MOCS1: variants seen among roughly 807,000 people sequenced by gnomAD.
MOCS1 encodes molybdenum cofactor synthesis 1.
In MOCS1, 39 loss-of-function variants were observed where a neutral mutation model predicts 57.6. The ratio of observed to expected loss-of-function variants is 0.68; its 90% confidence interval spans 0.52 to 0.88. The LOEUF (loss-of-function observed/expected upper bound fraction) is 0.88, where lower values mean the gene tolerates loss of function less well. Ranked by LOEUF, MOCS1 falls within the 40% of genes least tolerant of loss-of-function variation. The pLI is 0.00. For synonymous variants in MOCS1, 334 were observed against 335.7 expected, an observed-to-expected ratio of 1.00 and a Z score of 0.05; for missense variants, 795 against 831.1, an observed-to-expected ratio of 0.96 and a Z score of 0.53.
chr6:39,921,913 T>C (rs1192289391), intron 3 of MOCS1, among the ~76,000 whole-genome samples: 1 of 152,214 alleles, frequency 6.6e-6, no homozygotes. Flanking sequence ...TTATTTTTTC[T>C]GATCCTCTCC....
intron 3 of MOCS1, among the ~76,000 whole-genome samples, chr6:39,924,530 G>A (rs1768161990): frequency 6.6e-6 from 1 of 152,230 alleles, no homozygotes; most frequent in Non-Finnish European, 1.5e-5. Flanking sequence ...GGGTAAGTGA[G>A]TAGGGCAGGG....
chr6:39,929,557 C>G (rs1429957152), intron 1 of MOCS1, among the ~76,000 whole-genome samples: 1 of 151,894 alleles, frequency 6.6e-6, no homozygotes, highest in Non-Finnish European at 1.5e-5. Context: ...GGGGAGGAGT[C>G]AAAATACATC....
chr6:39,909,723 G>A (rs771869506), intron 9 of MOCS1, 112 bp downstream of exon 9: 28 of 1,469,422 alleles, frequency 1.9e-5, no homozygotes, highest in East Asian at 6.8e-5. Flanking sequence ...GCTGACTCTC[G>A]CCAGCTTCCC....
At position 39,929,554 on chromosome 6, in the gene MOCS1, A is replaced by G. The variant is rs148830523; in HGVS notation, c.124-2099T>C. ...GGATGGGGTGGCTGGATGGGGGAGGAGTCAAAATACATCAAAGAATTGGAA... is the reference window on the plus strand; with the variant it reads ...GGATGGGGTGGCTGGATGGGGGAGGGGTCAAAATACATCAAAGAATTGGAA... On this transcript the variant is annotated intron_variant, in intron 1 of 10. Transcript: ENST00000340692. Among the ~76,000 whole-genome samples, 324 of 152,034 alleles carry G rather than the reference A, an allele frequency of 2.1e-3. 1 individual carries two copies. The highest frequency in any genetic ancestry group is 7.3e-3 in the African/African-American group (304 of 41,478).
At chr6:39,908,271 C>T (rs1474276985) in intron 10 of MOCS1, among the ~76,000 whole-genome samples, 1 of 152,202 alleles carries the variant, frequency 6.6e-6, no homozygotes, top group African/African-American at 2.4e-5. Flanking sequence ...TTTCTCCCCC[C>T]TGCTTTTTCT....
chr6:39,908,102 A>T (rs2149397880), intron 10 of MOCS1, among the ~76,000 whole-genome samples: 1 of 152,194 alleles, frequency 6.6e-6, no homozygotes, highest in East Asian at 1.9e-4. Flanking sequence ...GTGGGAGGAG[A>T]GGAGATGAGA....
chr6:39,925,628 C>A, intron 3 of MOCS1, 50 bp downstream of exon 3: 1 of 1,609,328 alleles, frequency 6.2e-7, no homozygotes. Flanking sequence ...CAGTGTCCAG[C>A]CGGATGAGGC....
At chr6:39,907,256 A>C (rs1562083969) in intron 10 of MOCS1, 139 bp from the exon 11 acceptor site, 1 of 940,272 alleles carries the variant, frequency 1.1e-6, no homozygotes, top group African/African-American at 1.7e-5. Context: ...AACAAAAAGC[A>C]TAGTGGGACA....
intron 1 of MOCS1, among the ~76,000 whole-genome samples, chr6:39,928,843 AG>A (rs1411299995): frequency 6.6e-6 from 1 of 152,218 alleles, no homozygotes; most frequent in Non-Finnish European, 1.5e-5. Flanking sequence ...AGAAGGTCTC[AG>A]GCCCTCCAAA....
chr6:39,916,283 G>T (rs763187727), intron 3 of MOCS1, 51 bp from the exon 4 acceptor site: 1 of 1,606,978 alleles, frequency 6.2e-7, no homozygotes. Flanking sequence ...TCTTGGTGAG[G>T]CCGGGAAAAG....
intron 3 of MOCS1, among the ~76,000 whole-genome samples, chr6:39,916,822 A>C (rs1767685201): frequency 6.6e-6 from 1 of 152,254 alleles, no homozygotes; most frequent in Non-Finnish European, 1.5e-5. Context: ...GAGAGAAAGC[A>C]GATGGAACCG....
At chr6:39,927,690 G>C in intron 1 of MOCS1, 4 of 1,541,348 alleles carry the variant, frequency 2.6e-6, no homozygotes, top group South Asian at 2.4e-5. Flanking sequence ...GGGGCGGATG[G>C]TGATCTCTAC....
In MOCS1 at chr6:39,929,368, AC is replaced by A. The variant is rs1442009370; in HGVS notation, c.124-1914del. Among the ~76,000 whole-genome samples the A allele has an allele frequency of 1.1e-4, 17 of 152,128 alleles. No individual in the cohort carries two copies. In the East Asian group the frequency reaches 3.3e-3, roughly 29 times the overall value. ...TCCATAATCAAGAATCCCATCAGCC[AC>A]CGGAGTCCAGATGAGATACCTGGGA... On this transcript the variant is annotated intron_variant, in intron 1 of 10. Transcript: ENST00000340692.
At position 39,916,126 on chromosome 6, in the gene MOCS1, G is replaced by A; in HGVS notation, c.525C>T (p.Ile175=). The A allele has an allele frequency of 6.2e-7, 1 of 1,613,936 alleles. No homozygotes were observed. Among genetic ancestry groups the A allele is most frequent in the Non-Finnish European group, 8.5e-7 (1 of 1,179,984 alleles). The change falls in exon 4 of 11, where the codon ATC becomes ATT. Residue 175 remains isoleucine (I), a synonymous_variant. Transcript: ENST00000340692. ...GCACCAGGGTGTCCAGGCTGATGTTGATGGCACTGAGACCAGCCTTCTGAA... is the reference window on the plus strand; with the variant it reads ...GCACCAGGGTGTCCAGGCTGATGTTAATGGCACTGAGACCAGCCTTCTGAA... ...PQLQKAGLSA[I]NISLDTLVPA...
chr6:39,925,560 G>A, intron 3 of MOCS1, 118 bp downstream of exon 3: 2 of 1,198,168 alleles, frequency 1.7e-6, no homozygotes, highest in East Asian at 4.8e-5. Context: ...AGGTGTTGTA[G>A]GACCAAGAGA....
At position 39,904,264 on chromosome 6, in the gene MOCS1, T is replaced by TA. The variant is rs1562074194; in HGVS notation, c.*2092dup. On this transcript the variant is annotated 3_prime_UTR_variant, in exon 11 of 11. Transcript: ENST00000340692. ...GTTCCAGAGCTCAGCCTTCTCACTC[T>TA]AAAAGAAAGATATTTTTCTATTTAT... The TA allele has an allele frequency of 2.2e-6, 1 of 456,780 alleles. No individual in the cohort carries two copies. The highest frequency in any genetic ancestry group is 4.4e-6 in the Non-Finnish European group (1 of 226,986). 28.3% of individuals were successfully genotyped at this position (456,780 alleles called of 1,614,324 possible). A position where few individuals can be genotyped will look rare whatever the true frequency, so the allele number is the denominator to read the frequency against.
intron 4 of MOCS1, among the ~76,000 whole-genome samples, chr6:39,914,360 A>G (rs1767531067): frequency 6.6e-6 from 1 of 152,244 alleles, no homozygotes; most frequent in African/African-American, 2.4e-5. Context: ...CCATGGCTCC[A>G]TCTTTCAGAA....
Position 39,916,215 on chromosome 6 carries a change from C to T in MOCS1, c.436G>A (p.Glu146Lys), listed in dbSNP as rs1410194509. 2 of 1,613,772 alleles carry T rather than the reference C, an allele frequency of 1.2e-6. No homozygotes were observed. The highest frequency in any genetic ancestry group is 1.7e-5 in the Admixed American group (1 of 60,002). The stretch of plus-strand genomic sequence containing the variant: ...GTAACACCTATGGTTCTCAGCCCTT[C>T]CAGCCGCTGGAGCTGGGCTGTAAGG... Reference protein sequence around the residue: ...VDIVAQLQRLEGLRTIGVTTN... With the variant: ...VDIVAQLQRLKGLRTIGVTTN... Residue 146 changes from glutamate to lysine, a missense_variant, in exon 4 of 11, where the codon GAA becomes AAA. Around this residue, in one of 3 missense-constraint regions of MOCS1, gnomAD observed 416 missense variants for 392.4 expected, o/e 1.06. Transcript: ENST00000340692.
chr6:39,921,846 G>A (rs1767991101), intron 3 of MOCS1, among the ~76,000 whole-genome samples: 2 of 152,172 alleles, frequency 1.3e-5, no homozygotes, highest in Non-Finnish European at 2.9e-5. Context: ...CTTGTGTCAT[G>A]GGGGTTTGTT....
Sources: allele counts gnomAD v4.1 joint callset (sites outside exome capture counted in the v4.1 genomes callset), GRCh38; gene constraint gnomAD v4.1.1; regional missense constraint gnomAD v4.1.1; transcripts MANE v1.5; gene names NCBI Gene and HGNC (gene_info 2026-07-23, HGNC 2026-07-21).